The following NEK5 variants were observed in gnomAD, a reference collection of about 807,000 sequenced individuals.
NEK5 encodes NIMA related kinase 5.
In NEK5, 88 loss-of-function variants were observed where a neutral mutation model predicts 109.2. The ratio of observed to expected loss-of-function variants is 0.81; its 90% CI spans 0.68 to 0.96. The LOEUF (loss-of-function observed/expected upper bound fraction) is 0.96. Ranked by LOEUF, NEK5 falls within the 40% of genes least tolerant of loss-of-function variation. NEK5 has a pLI of 0.00. For missense variants in NEK5, 834 were observed against 920.7 expected, an observed-to-expected ratio of 0.91 and a Z score of 1.22; for synonymous variants, 283 against 299.9, an observed-to-expected ratio of 0.94 and a Z score of 0.58.
Position 52,084,853 on chromosome 13 carries a change from C to G in NEK5, c.1479+1424G>C, listed in dbSNP as rs893333476. Among the ~76,000 whole-genome samples, 9 of 150,406 alleles carry G rather than the reference C, an allele frequency of 6.0e-5. 1 individual carries two copies. The highest frequency in any genetic ancestry group is 4.2e-4 in the South Asian group (2 of 4,762). Reference sequence around the variant, plus strand: ...GTTTCCCTATGTTGCCCAGGCTGGTCTCAAACTCCTAGGCTCAAGCAATCC... The same window carrying G: ...GTTTCCCTATGTTGCCCAGGCTGGTGTCAAACTCCTAGGCTCAAGCAATCC... On this transcript the variant is annotated intron_variant, in intron 16 of 23. Transcript: ENST00000684899.
rs368788106 is a variant in NEK5, at chr13:52,035,625, T to G, written c.*1323A>C. The G allele has an allele frequency of 1.3e-5, 2 of 152,206 alleles. No individual in the cohort carries two copies. The highest frequency in any genetic ancestry group is 2.1e-4 in the South Asian group (1 of 4,832). The allele number at this position is 152,206 out of a possible 1,614,324, so 9.4% of individuals were successfully genotyped here. On this transcript the variant is annotated 3_prime_UTR_variant, in exon 24 of 24. Transcript: ENST00000684899. Reference sequence around the variant, plus strand: ...CTTACAGTCTTAATGAGGAAATGTTTTAGCATTTATTAATTCAGGAAACAT... The same window carrying G: ...CTTACAGTCTTAATGAGGAAATGTTGTAGCATTTATTAATTCAGGAAACAT...
At position 52,037,234 on chromosome 13, in the gene NEK5, G is replaced by C. The variant is rs1481752362; in HGVS notation, c.2229-16C>G. 2 of 969,994 alleles carry C rather than the reference G, an allele frequency of 2.1e-6. No individual in the cohort carries two copies. The highest frequency in any genetic ancestry group is 1.2e-6 in the Non-Finnish European group (1 of 815,994). 60.1% of individuals were successfully genotyped at this position (969,994 alleles called of 1,614,324 possible). ...TTCAAAATTTCTGAAATAATAAGCA[G>C]TAAAAATCAGCATTATGATATGAAA... On this transcript the variant is annotated splice_polypyrimidine_tract_variant and intron_variant, in intron 23 of 23. Coordinates refer to ENST00000684899, the MANE Select transcript of NEK5 (RefSeq NM_001365552.1).
At chr13:52,107,191 G>T (rs1955672832) in intron 8 of NEK5, among the ~76,000 whole-genome samples, 2 of 152,292 alleles carry the variant, frequency 1.3e-5, no homozygotes, top group East Asian at 3.9e-4. Context: ...ACTGCTCAGA[G>T]ATAGTCACTG....
intron 3 of NEK5, among the ~76,000 whole-genome samples, chr13:52,125,230 A>C (rs1263985773): frequency 6.6e-6 from 1 of 152,222 alleles, no homozygotes; most frequent in Non-Finnish European, 1.5e-5. Flanking sequence ...TCTTTAAGCC[A>C]CTAAGTTTGG....
Position 52,124,052 on chromosome 13 carries a change from G to A in NEK5, c.117+3314C>T, listed in dbSNP as rs139787696. On this transcript the variant is annotated intron_variant, in intron 3 of 23. Transcript: ENST00000684899. The stretch of plus-strand genomic sequence containing the variant: ...AGACCAGGCACAGTGGCTAACACCT[G>A]TAATCCCAGCACTTTGGGAGGCCAA... Among the ~76,000 whole-genome samples, 982 of 152,296 alleles carry A rather than the reference G, an allele frequency of 6.4e-3. 6 individuals carry two copies. The highest frequency in any genetic ancestry group is 0.019 in the African/African-American group (771 of 41,562).
At chr13:52,050,246 T>C (rs1471110168) in intron 22 of NEK5, 25 bp from the exon 23 acceptor site, 1 of 907,592 alleles carries the variant, frequency 1.1e-6, no homozygotes, top group African/African-American at 1.8e-5. Flanking sequence ...GAGAAAGATA[T>C]GAAAGCATCC....
Position 52,093,164 on chromosome 13 carries a change from A to T in NEK5, c.1098T>A (p.Asp366Glu), listed in dbSNP as rs538871396. 1.9e-6 allele frequency: 3 copies of T among 1,613,280 alleles called. No homozygotes were observed. In the South Asian group the frequency reaches 3.3e-5, roughly 18 times the overall value. The change falls in exon 13 of 24, where the codon GAT (aspartate) becomes GAA (glutamate). Residue 366 changes from aspartate (D) to glutamate (E), a missense_variant. Asp to Glu is a conservative substitution (Grantham distance 45, BLOSUM62 2). Coordinates refer to ENST00000684899, the MANE Select transcript of NEK5 (RefSeq NM_001365552.1). ...GTTTGTGGGCTCTCCTCCTCAGCAT[A>T]TCAAGTTGAGCATAATAATAATCAT... ...GHYDYYYAQL[D>E]MLRRRAHKPS... is the part of the protein sequence containing the mutation.
At chr13:52,076,544 A>C (rs1414033671) in intron 17 of NEK5, among the ~76,000 whole-genome samples, 5 of 152,198 alleles carry the variant, frequency 3.3e-5, no homozygotes, top group Admixed American at 3.3e-4. Flanking sequence ...GTAGGAAGAG[A>C]AGAAAACTAA....
At position 52,065,560 on chromosome 13, in the gene NEK5, AT is replaced by A. The variant is rs762243628; in HGVS notation, c.1898del (p.Asp633ValfsTer11). 6.2e-7 allele frequency: 1 copy of A among 1,614,060 alleles called. No homozygotes were observed. The highest frequency in any genetic ancestry group is 8.5e-7 in the Non-Finnish European group (1 of 1,179,888). Reference protein sequence around the residue: ...VAAVGNRRQWDGGAPQTLLQM... With the variant: ...VAAVGNRRQWXGGAPQTLLQM... ...GCAGCAGAGTCTGAGGCGCTCCTCC[AT>A]CCCACTGCCTCCTGTTTCCCACAGC... On this transcript the variant is annotated frameshift_variant, in exon 21 of 24. Coordinates refer to ENST00000684899, the MANE Select transcript of NEK5 (RefSeq NM_001365552.1). LOFTEE classifies it high-confidence loss of function.
intron 19 of NEK5, among the ~76,000 whole-genome samples, chr13:52,074,529 C>G (rs1954833960): frequency 6.6e-6 from 1 of 151,964 alleles, no homozygotes; most frequent in African/African-American, 2.4e-5. Flanking sequence ...TATAAGAATC[C>G]TAAAAGAAAA....
intron 1 of NEK5, among the ~76,000 whole-genome samples, chr13:52,128,322 C>T (rs1436858577): frequency 1.3e-5 from 2 of 152,056 alleles, no homozygotes; most frequent in African/African-American, 4.8e-5. Context: ...TGCTCCTGGT[C>T]CCGGAGACCC....
intron 3 of NEK5, among the ~76,000 whole-genome samples, chr13:52,125,491 A>T (rs964944948): frequency 1.3e-5 from 2 of 152,204 alleles, no homozygotes; most frequent in Non-Finnish European, 2.9e-5. Context: ...TGAACCTGGG[A>T]GGCAGAGCTT....
chr13:52,063,761 C>T (rs909650465), intron 21 of NEK5, among the ~76,000 whole-genome samples: 5 of 151,026 alleles, frequency 3.3e-5, no homozygotes, highest in African/African-American at 7.3e-5. Flanking sequence ...TCTGCCCGGC[C>T]ACCCCATCTG....
chr13:52,127,205 T>C (rs1956081075), intron 3 of NEK5, among the ~76,000 whole-genome samples, 161 bp downstream of exon 3: 1 of 152,154 alleles, frequency 6.6e-6, no homozygotes, highest in African/African-American at 2.4e-5. Context: ...ATGAGATCAT[T>C]GGTTGCTGTT....
intron 18 of NEK5, 104 bp from the exon 19 acceptor site, chr13:52,075,930 C>A: frequency 1.1e-6 from 1 of 910,238 alleles, no homozygotes; most frequent in South Asian, 1.7e-5. Context: ...TTCTTAAAAC[C>A]ATTGGTCTCA....
At chr13:52,093,583 A>G (rs182826481) in intron 12 of NEK5, among the ~76,000 whole-genome samples, 9 of 152,242 alleles carry the variant, frequency 5.9e-5, no homozygotes, top group Admixed American at 2.0e-4. Flanking sequence ...CATAATACAA[A>G]TTTATAATAC....
At position 52,129,070 on chromosome 13, in the gene NEK5, G is replaced by A. The variant is rs1192712586; in HGVS notation, c.-132C>T. On this transcript the variant is annotated 5_prime_UTR_variant, in exon 1 of 24. Coordinates refer to ENST00000684899, the MANE Select transcript of NEK5 (RefSeq NM_001365552.1). ...GCGGGGCCAACGAAGCGTCCCGGAAGGATCCGGGTTCCCGGGGCCGCTGCG... is the reference window on the plus strand; with the variant it reads ...GCGGGGCCAACGAAGCGTCCCGGAAAGATCCGGGTTCCCGGGGCCGCTGCG... The A allele has an allele frequency of 1.3e-5, 2 of 152,356 alleles. No homozygotes were observed. Among genetic ancestry groups the A allele is most frequent in the Admixed American group, 6.5e-5 (1 of 15,292 alleles). 9.4% of individuals were successfully genotyped at this position (152,356 alleles called of 1,614,324 possible).
intron 13 of NEK5, among the ~76,000 whole-genome samples, chr13:52,092,131 A>T (rs1404932585): frequency 6.6e-6 from 1 of 152,196 alleles, no homozygotes; most frequent in Non-Finnish European, 1.5e-5. Context: ...AATAAGCTAG[A>T]TCAGACTTGA....
chr13:52,043,495 C>T (rs1160716649), intron 23 of NEK5, among the ~76,000 whole-genome samples: 1 of 149,366 alleles, frequency 6.7e-6, no homozygotes, highest in Non-Finnish European at 1.5e-5. Flanking sequence ...CGAGATCACA[C>T]CACTGCACTC....
Sources: allele counts gnomAD v4.1 joint callset (sites outside exome capture counted in the v4.1 genomes callset), GRCh38; gene constraint gnomAD v4.1.1; transcripts MANE v1.5; gene names NCBI Gene and HGNC (gene_info 2026-07-23, HGNC 2026-07-21).